The following TRIP11 variants were observed in gnomAD, a reference collection of about 807,000 sequenced individuals.
TRIP11 encodes the protein thyroid receptor-interacting protein 11.
Under a neutral mutation model 223.1 loss-of-function variants are expected in TRIP11, and 148 were observed. The observed-to-expected ratio is 0.66, with a 90% confidence interval of 0.58 to 0.76. The LOEUF (loss-of-function observed/expected upper bound fraction) is 0.76. TRIP11 is among the 30% of genes least tolerant of loss of function. TRIP11 has a pLI of 0.00. For synonymous variants in TRIP11, 762 were observed against 772.6 expected (o/e 0.99, Z 0.23); for missense variants, 2,043 against 2,222.0 (o/e 0.92, Z 1.62).
intron 9 of TRIP11, among the ~76,000 whole-genome samples, chr14:92,010,647 TAC>T (rs1419713282): frequency 4.6e-5 from 7 of 152,074 alleles, no homozygotes; most frequent in African/African-American, 1.7e-4. Flanking sequence ...AAGCAGCATA[TAC>T]AGTTATTACA....
chr14:92,007,337 T>TA (rs1226066979), intron 10 of TRIP11, among the ~76,000 whole-genome samples: 1 of 152,204 alleles, frequency 6.6e-6, no homozygotes, highest in African/African-American at 2.4e-5. Context: ...TGTTTATTTT[T>TA]AACTCTACAC....
At chr14:91,998,592 A>C (rs1264052536) in intron 13 of TRIP11, among the ~76,000 whole-genome samples, 4 of 152,130 alleles carry the variant, frequency 2.6e-5, no homozygotes, top group Non-Finnish European at 5.9e-5. Context: ...CAGACATAAA[A>C]GTATAAAAAG....
At chr14:91,982,587 C>A (rs2056558277) in intron 16 of TRIP11, among the ~76,000 whole-genome samples, 1 of 152,166 alleles carries the variant, frequency 6.6e-6, no homozygotes, top group Non-Finnish European at 1.5e-5. Context: ...ATACAAGTAA[C>A]CCTGTACAGG....
chr14:92,033,059 A>C, intron 2 of TRIP11, 133 bp downstream of exon 2: 2 of 695,576 alleles, frequency 2.9e-6, no homozygotes, highest in Non-Finnish European at 5.0e-6. Flanking sequence ...AAGCTCAAAA[A>C]ACAATCAAAA....
chr14:92,002,696 C>A (rs774263222), intron 11 of TRIP11, among the ~76,000 whole-genome samples: 2 of 151,898 alleles, frequency 1.3e-5, no homozygotes, highest in Non-Finnish European at 2.9e-5. Context: ...CCTGCCTCAG[C>A]CTCCCAAGTA....
At chr14:91,999,146 T>C (rs2056788258) in intron 13 of TRIP11, 94 bp downstream of exon 13, 1 of 1,352,196 alleles carries the variant, frequency 7.4e-7, no homozygotes, top group African/African-American at 1.5e-5. Flanking sequence ...ATAATGAATT[T>C]TGCAAGGATG....
chr14:91,995,545 G>A, intron 13 of TRIP11, 30 bp from the exon 14 acceptor site: 1 of 1,612,226 alleles, frequency 6.2e-7, no homozygotes, highest in Non-Finnish European at 8.5e-7. Flanking sequence ...AAGTCAAACT[G>A]CTTCATCTAT....
At chr14:91,991,350 T>A (rs980467190) in intron 15 of TRIP11, among the ~76,000 whole-genome samples, 1 of 152,170 alleles carries the variant, frequency 6.6e-6, no homozygotes, top group Admixed American at 6.5e-5. Context: ...CATGAGCTAC[T>A]AAGTTTCTGT....
intron 3 of TRIP11, 64 bp from the exon 4 acceptor site, chr14:92,021,895 G>T: frequency 1.3e-6 from 2 of 1,547,204 alleles, no homozygotes; most frequent in Admixed American, 3.4e-5. Flanking sequence ...ACTTTTTATA[G>T]ATTTGTATTA....
intron 1 of TRIP11, among the ~76,000 whole-genome samples, chr14:92,034,377 T>C (rs557544249): frequency 4.6e-5 from 7 of 150,762 alleles, no homozygotes; most frequent in African/African-American, 1.7e-4. Flanking sequence ...GAGCCGACAC[T>C]GTGCTACTGC....
chr14:91,996,732 A>G (rs1202397490), intron 13 of TRIP11, among the ~76,000 whole-genome samples: 3 of 152,192 alleles, frequency 2.0e-5, no homozygotes, highest in African/African-American at 7.2e-5. Flanking sequence ...CCTTGTATTC[A>G]TGGTGAATTC....
At chr14:92,021,457 A>C (rs999572736) in intron 4 of TRIP11, 99 bp downstream of exon 4, 22 of 1,174,344 alleles carry the variant, frequency 1.9e-5, no homozygotes, top group Admixed American at 4.1e-5. Flanking sequence ...TTCCTAGTCC[A>C]GGGTTCTTTC....
chr14:91,976,136 C>A lies in TRIP11; in HGVS notation c.5314G>T (p.Ala1772Ser). The A allele has an allele frequency of 6.2e-7, 1 of 1,612,408 alleles. No homozygotes were observed. Among genetic ancestry groups the A allele is most frequent in the South Asian group, 1.1e-5 (1 of 91,058 alleles). The change falls in exon 17 of 21, where the codon GCA becomes TCA. Residue 1772 changes from alanine to serine, a missense_variant. Ala to Ser is a moderately conservative substitution (Grantham distance 99). Coordinates refer to ENST00000267622, the MANE Select transcript of TRIP11 (RefSeq NM_004239.4). ...TCTACTTTTCCTTCTGAGCTGTTTGCTAAGCTCATCAATTTCTTTTGTACA... is the reference window on the plus strand; with the variant it reads ...TCTACTTTTCCTTCTGAGCTGTTTGATAAGCTCATCAATTTCTTTTGTACA... The part of the protein sequence containing the change: ...DDVQKKLMSL[A>S]NSSEGKVDKV...
chr14:91,981,537 T>C (rs1252457240), intron 16 of TRIP11, among the ~76,000 whole-genome samples: 1 of 151,614 alleles, frequency 6.6e-6, no homozygotes, highest in Non-Finnish European at 1.5e-5. Flanking sequence ...ATCACAGGCA[T>C]GTGCCACCAC....
rs747783410 is a variant in TRIP11, at chr14:91,990,791, ACAAAG to A, written c.5161-2413_5161-2409del. On this transcript the variant is annotated intron_variant, in intron 15 of 20. Transcript: ENST00000267622. ...CAGGAGTTTGAGACCAGCCTGGACA[ACAAAG>A]CAAGACTCTGTCTCTAAGAAAAAAG... 5.3e-5 allele frequency among the ~76,000 whole-genome samples: 8 copies of A among 152,366 alleles called. No homozygotes were observed. The Middle Eastern group carries it at 0.014, about 259-fold the overall frequency.
intron 8 of TRIP11, among the ~76,000 whole-genome samples, chr14:92,011,317 C>A (rs997253430): frequency 6.6e-6 from 1 of 151,536 alleles, no homozygotes; most frequent in Non-Finnish European, 1.5e-5. Context: ...CAGTGAAACC[C>A]CGTCTCTACT....
chr14:92,002,928 C>G (rs1324258563), intron 11 of TRIP11, among the ~76,000 whole-genome samples: 1 of 152,056 alleles, frequency 6.6e-6, no homozygotes, highest in African/African-American at 2.4e-5. Context: ...AGAGCAATTT[C>G]TGGTTCCTCA....
intron 2 of TRIP11, among the ~76,000 whole-genome samples, chr14:92,026,005 G>A (rs1319541121): frequency 1.3e-5 from 2 of 152,072 alleles, no homozygotes; most frequent in Non-Finnish European, 2.9e-5. Context: ...ACGAATCAAT[G>A]TTTCCCCATC....
intron 1 of TRIP11, among the ~76,000 whole-genome samples, chr14:92,034,341 T>C (rs1283662390): frequency 1.3e-5 from 2 of 151,778 alleles, no homozygotes; most frequent in Admixed American, 6.6e-5. Context: ...GAGAATTGCT[T>C]GAACCTGGGA....
Sources: allele counts gnomAD v4.1 joint callset (sites outside exome capture counted in the v4.1 genomes callset), GRCh38; gene constraint gnomAD v4.1.1; transcripts MANE v1.5; gene names NCBI Gene and HGNC (gene_info 2026-07-23, HGNC 2026-07-21).